TMEM132B: variants seen among roughly 807,000 people sequenced by gnomAD.
TMEM132B encodes the protein transmembrane protein 132B.
Under a neutral mutation model 90.8 loss-of-function variants are expected in TMEM132B, and 18 were observed. The ratio of observed to expected loss-of-function variants is 0.20; its 90% CI spans 0.14 to 0.29. The LOEUF is 0.29. TMEM132B is among the 10% of genes least tolerant of loss of function. TMEM132B has a pLI of 1.00. For synonymous variants in TMEM132B, 504 were observed against 523.3 expected, an observed-to-expected ratio of 0.96 and a Z score of 0.50; for missense variants, 1,096 against 1,326.8, an observed-to-expected ratio of 0.83 and a Z score of 2.70.
chr12:125,208,646 C>T (rs192104803), intron 1 of TMEM132B, among the ~76,000 whole-genome samples: 59 of 152,320 alleles, frequency 3.9e-4, no homozygotes, highest in African/African-American at 1.2e-3. Context: ...GTAGTGGAAT[C>T]GTCTTCCACT....
chr12:125,552,728 A>G (rs12812640), intron 4 of TMEM132B, among the ~76,000 whole-genome samples: 11,122 of 152,304 alleles, frequency 0.073, 552 homozygotes, highest in South Asian at 0.15. Flanking sequence ...CATGATGTGG[A>G]TAACTTTCTA....
intron 1 of TMEM132B, among the ~76,000 whole-genome samples, chr12:125,238,117 C>CT (rs1247952625): frequency 6.6e-6 from 1 of 151,834 alleles, no homozygotes; most frequent in African/African-American, 2.4e-5. Flanking sequence ...CTTCTCCTCT[C>CT]TTTTTTTTCT....
At chr12:125,480,583 C>T (rs913186408) in intron 3 of TMEM132B, among the ~76,000 whole-genome samples, 1 of 152,156 alleles carries the variant, frequency 6.6e-6, no homozygotes, top group Non-Finnish European at 1.5e-5. Context: ...GCTGAATAGA[C>T]CAATAACAGG....
At chr12:125,430,885 C>T (rs529562608) in intron 3 of TMEM132B, among the ~76,000 whole-genome samples, 5 of 152,188 alleles carry the variant, frequency 3.3e-5, no homozygotes, top group East Asian at 1.9e-4. Flanking sequence ...TCAGATAAGG[C>T]GGTCAGGGAG....
chr12:125,624,138 A>C (rs569065209), intron 5 of TMEM132B, among the ~76,000 whole-genome samples: 1 of 152,348 alleles, frequency 6.6e-6, no homozygotes, highest in South Asian at 2.1e-4. Flanking sequence ...CATCCCAGCC[A>C]AGGTCCAATC....
intron 3 of TMEM132B, among the ~76,000 whole-genome samples, chr12:125,471,537 G>A (rs571890487): frequency 1.2e-4 from 18 of 152,266 alleles, no homozygotes; most frequent in African/African-American, 3.4e-4. Context: ...CTGTAGTGAT[G>A]ATTCAGACAT....
chr12:125,585,064 G>A (rs1160308153), intron 5 of TMEM132B: 2 of 152,204 alleles, frequency 1.3e-5, no homozygotes, highest in East Asian at 3.9e-4. Flanking sequence ...AAAGGTCTGG[G>A]AGGGGTTGAT....
intron 1 of TMEM132B, among the ~76,000 whole-genome samples, chr12:125,291,680 C>T (rs992956862): frequency 1.3e-5 from 2 of 152,158 alleles, no homozygotes; most frequent in African/African-American, 4.8e-5. Context: ...TTGACTTCAT[C>T]CTTGCAAGAA....
At chr12:125,345,591 A>T (rs1246268377) in intron 1 of TMEM132B, among the ~76,000 whole-genome samples, 1 of 152,162 alleles carries the variant, frequency 6.6e-6, no homozygotes, top group Non-Finnish European at 1.5e-5. Context: ...GGCTGTCTTT[A>T]GGGCTTCCTT....
At chr12:125,470,145 C>T (rs1017006698) in intron 3 of TMEM132B, among the ~76,000 whole-genome samples, 3 of 152,196 alleles carry the variant, frequency 2.0e-5, no homozygotes, top group African/African-American at 7.2e-5. Context: ...GACGGGCCTG[C>T]TTACATCTCC....
At chr12:125,366,521 T>A (rs1266729285) in intron 2 of TMEM132B, among the ~76,000 whole-genome samples, 1 of 152,214 alleles carries the variant, frequency 6.6e-6, no homozygotes, top group Non-Finnish European at 1.5e-5. Context: ...TAATTTCTGA[T>A]AAGAAGTCAG....
At chr12:125,516,714 C>T (rs1258562500) in intron 3 of TMEM132B, among the ~76,000 whole-genome samples, 1 of 152,222 alleles carries the variant, frequency 6.6e-6, no homozygotes, top group African/African-American at 2.4e-5. Flanking sequence ...GGTGGAAGAG[C>T]TCATTTCTCC....
chr12:125,511,217 C>A (rs906942973), intron 3 of TMEM132B, among the ~76,000 whole-genome samples: 2 of 152,140 alleles, frequency 1.3e-5, no homozygotes, highest in African/African-American at 2.4e-5. Flanking sequence ...ATTTGTATTG[C>A]AGCATTTCTC....
At chr12:125,640,352 G>C (rs180910443) in intron 5 of TMEM132B, among the ~76,000 whole-genome samples, 5 of 152,330 alleles carry the variant, frequency 3.3e-5, no homozygotes, top group African/African-American at 9.6e-5. Context: ...TCGGGCAGAG[G>C]TGCTGGTGCA....
chr12:125,554,923 T>C (rs1177682947), intron 4 of TMEM132B, among the ~76,000 whole-genome samples: 1 of 152,244 alleles, frequency 6.6e-6, no homozygotes, highest in Non-Finnish European at 1.5e-5. Context: ...AGTTTTTCAG[T>C]GTGTGTCAGG....
intron 5 of TMEM132B, among the ~76,000 whole-genome samples, chr12:125,591,622 C>T (rs1030890942): frequency 1.2e-4 from 18 of 152,130 alleles, no homozygotes; most frequent in Admixed American, 3.3e-4. Flanking sequence ...TTTGTCCTTT[C>T]GCAGTTCTGG....
rs117349690 is a variant in TMEM132B, at chr12:125,210,276, G to C, written c.67+23410G>C. Among the ~76,000 whole-genome samples, 30 of 152,282 alleles carry C rather than the reference G, an allele frequency of 2.0e-4. No individual in the cohort carries two copies. In the East Asian group the frequency reaches 5.6e-3, roughly 29 times the overall value. ...AGGGAACTTAAAGGGGCAAATTGCA[G>C]GGCTATCTGCGGGAAGGAGCGAGTG... On this transcript the variant is annotated intron_variant, in intron 1 of 8. Coordinates refer to ENST00000682704, the MANE Select transcript of TMEM132B (RefSeq NM_001366854.1).
intron 1 of TMEM132B, among the ~76,000 whole-genome samples, chr12:125,342,529 C>T (rs746324610): frequency 6.6e-6 from 1 of 152,162 alleles, no homozygotes; most frequent in Non-Finnish European, 1.5e-5. Flanking sequence ...CTTCTTAGGT[C>T]CTGCCTATAA....
intron 3 of TMEM132B, among the ~76,000 whole-genome samples, chr12:125,518,339 T>G (rs1369103665): frequency 6.6e-6 from 1 of 152,160 alleles, no homozygotes; most frequent in Non-Finnish European, 1.5e-5. Flanking sequence ...GTTGTGAGTT[T>G]GGGAGCCCAG....
Sources: allele counts gnomAD v4.1 joint callset (sites outside exome capture counted in the v4.1 genomes callset), GRCh38; gene constraint gnomAD v4.1.1; transcripts MANE v1.5; gene names NCBI Gene and HGNC (gene_info 2026-07-23, HGNC 2026-07-21).